ZNF654: variants seen among roughly 807,000 people sequenced by gnomAD.
The protein encoded by ZNF654 is zinc finger protein 654, also known as melanoma-associated antigen.
ZNF654 carries 19 observed loss-of-function variants against 95.3 expected under a neutral mutation model. The ratio of observed to expected loss-of-function variants is 0.20; its 90% CI spans 0.14 to 0.29. The LOEUF (loss-of-function observed/expected upper bound fraction) is 0.29, where lower values mean the gene tolerates loss of function less well. Ranked by LOEUF, ZNF654 falls within the 10% of genes least tolerant of loss-of-function variation. The probability of loss-of-function intolerance (pLI) is 1.00; values close to 1 mark genes in which losing one functional copy is unlikely to be tolerated. For missense variants in ZNF654, 1,046 were observed against 1,341.0 expected (o/e 0.78, Z 3.44); for synonymous variants, 413 against 457.9 (o/e 0.90, Z 1.25).
intron 1 of ZNF654, among the ~76,000 whole-genome samples, chr3:88,072,433 C>T (rs879934294): frequency 6.6e-6 from 1 of 152,098 alleles, no homozygotes; most frequent in Non-Finnish European, 1.5e-5. Flanking sequence ...ATAATCCTGC[C>T]CCATCTAGCT....
chr3:88,080,634 A>G (rs1204177219), intron 1 of ZNF654, among the ~76,000 whole-genome samples: 2 of 152,028 alleles, frequency 1.3e-5, no homozygotes, highest in Admixed American at 6.6e-5. Context: ...TCTGCTGCCA[A>G]TTTACCTGCT....
At chr3:88,098,071 G>T (rs187578196) in intron 2 of ZNF654, among the ~76,000 whole-genome samples, 16 of 152,126 alleles carry the variant, frequency 1.1e-4, no homozygotes, top group Non-Finnish European at 7.4e-5. Flanking sequence ...CAACAAAATT[G>T]ACAGACTGCT....
At chr3:88,114,627 T>C (rs1705281236) in intron 3 of ZNF654, among the ~76,000 whole-genome samples, 1 of 152,200 alleles carries the variant, frequency 6.6e-6, no homozygotes, top group Admixed American at 6.5e-5. Context: ...CTTTTGTTAC[T>C]GTGGCTTCTT....
At chr3:88,083,899 G>T (rs1452159291) in intron 1 of ZNF654, among the ~76,000 whole-genome samples, 12 of 150,278 alleles carry the variant, frequency 8.0e-5, no homozygotes, top group Middle Eastern at 3.5e-3. Flanking sequence ...CACAGCATAG[G>T]AGAAAAATTT....
chr3:88,059,421 C>T lies in ZNF654; in HGVS notation c.102C>T (p.Gly34=). 4 of 1,527,088 alleles carry T rather than the reference C, an allele frequency of 2.6e-6. No individual in the cohort carries two copies. Among genetic ancestry groups the T allele is most frequent in the Non-Finnish European group, 3.5e-6 (4 of 1,143,704 alleles). The allele number at this position is 1,527,088 out of a possible 1,614,324, so 94.6% of individuals were successfully genotyped here. ...PLGPVGLRAA[G]DGRGGAGSGN... ...GCCCTGTGGGGCTTAGAGCTGCGGG[C>T]GACGGCAGAGGCGGCGCTGGCAGCG... Residue 34 remains glycine (G), a synonymous_variant, in exon 1 of 9, where the codon GGC becomes GGT. Transcript: ENST00000636215.
At chr3:88,128,243 G>A (rs78560074) in intron 4 of ZNF654, among the ~76,000 whole-genome samples, 9 of 152,012 alleles carry the variant, frequency 5.9e-5, no homozygotes, top group African/African-American at 2.2e-4. Flanking sequence ...ATTATCCTTA[G>A]TAATACATAA....
chr3:88,062,893 G>A (rs1172285109), intron 1 of ZNF654, among the ~76,000 whole-genome samples: 3 of 152,132 alleles, frequency 2.0e-5, no homozygotes, highest in Non-Finnish European at 4.4e-5. Flanking sequence ...ATCCTCTGAG[G>A]ATTTATGAGG....
At chr3:88,099,989 T>C (rs1352444569) in intron 2 of ZNF654, among the ~76,000 whole-genome samples, 2 of 152,174 alleles carry the variant, frequency 1.3e-5, no homozygotes, top group Non-Finnish European at 2.9e-5. Context: ...CTAATTTAAC[T>C]AAAGAGCTTC....
chr3:88,111,666 T>A (rs1207365273), intron 2 of ZNF654, among the ~76,000 whole-genome samples: 1 of 152,016 alleles, frequency 6.6e-6, no homozygotes, highest in East Asian at 1.9e-4. Context: ...GTTGTTTCTG[T>A]CTTTGAGCTT....
chr3:88,122,943 G>A (rs192999127), intron 3 of ZNF654, among the ~76,000 whole-genome samples: 5 of 151,174 alleles, frequency 3.3e-5, no homozygotes, highest in Admixed American at 2.0e-4. Flanking sequence ...CTGGGAGGCC[G>A]AGGTTGCAGT....
Position 88,113,154 on chromosome 3 carries a change from G to A in ZNF654, c.372G>A (p.Glu124=), listed in dbSNP as rs1705195533. The A allele has an allele frequency of 6.5e-7, 1 of 1,534,104 alleles. No individual in the cohort carries two copies. The highest frequency in any genetic ancestry group is 8.7e-7 in the Non-Finnish European group (1 of 1,145,798). The change falls in exon 3 of 9, where the codon GAG becomes GAA. Residue 124 remains glutamate, a synonymous_variant. Coordinates refer to ENST00000636215, the MANE Select transcript of ZNF654 (RefSeq NM_001350134.2). ...TGCTGCTGTTCTTTGGAAGAGATGA[G>A]TTTTATGAAGAGCCCTTAAAGGATA... ...FELLLFFGRD[E]FYEEPLKDIL...
chr3:88,113,268 C>T (rs1705201267), intron 3 of ZNF654, 72 bp downstream of exon 3: 3 of 903,776 alleles, frequency 3.3e-6, no homozygotes, highest in Non-Finnish European at 4.9e-6. Context: ...CTAAATATAG[C>T]TTATTGGTTA....
chr3:88,138,655 C>G (rs926721920), intron 7 of ZNF654, 50 bp from the exon 8 acceptor site: 4 of 1,123,458 alleles, frequency 3.6e-6, no homozygotes, highest in Non-Finnish European at 3.4e-6. Flanking sequence ...ACTAGTATAA[C>G]CATTTTTTTG....
At chr3:88,067,390 C>T (rs1471684174) in intron 1 of ZNF654, among the ~76,000 whole-genome samples, 1 of 152,144 alleles carries the variant, frequency 6.6e-6, no homozygotes, top group Non-Finnish European at 1.5e-5. Context: ...GAAGCCAGAG[C>T]TCAAAAGGGA....
Position 88,128,997 on chromosome 3 carries a change from C to G in ZNF654, c.739C>G (p.Gln247Glu). Residue 247 changes from glutamine to glutamate, a missense_variant, in exon 5 of 9, where the codon CAG (glutamine) becomes GAG (glutamate). Coordinates refer to ENST00000636215, the MANE Select transcript of ZNF654 (RefSeq NM_001350134.2). ...TCLFMSPVED[Q>E]LFREHLLKTD... ...TCTGTTTATGTCACCTGTAGAAGAT[C>G]AGCTATTCCGGGAGGTATTGTTTGA... The G allele has an allele frequency of 6.5e-7, 1 of 1,532,236 alleles. No homozygotes were observed. Among genetic ancestry groups the G allele is most frequent in the Non-Finnish European group, 8.7e-7 (1 of 1,144,998 alleles). The allele number at this position is 1,532,236 out of a possible 1,614,324, so 94.9% of individuals were successfully genotyped here. A position where few individuals can be genotyped will look rare whatever the true frequency, so the allele number is the denominator to read the frequency against.
At chr3:88,072,556 G>T (rs1370779388) in intron 1 of ZNF654, among the ~76,000 whole-genome samples, 1 of 152,054 alleles carries the variant, frequency 6.6e-6, no homozygotes, top group East Asian at 1.9e-4. Context: ...TGTTTCATTT[G>T]GATATTATAT....
At chr3:88,127,820 T>C (rs1706210130) in intron 4 of ZNF654, among the ~76,000 whole-genome samples, 1 of 152,176 alleles carries the variant, frequency 6.6e-6, no homozygotes, top group Non-Finnish European at 1.5e-5. Flanking sequence ...TAGAGCCTCA[T>C]TGATATGGAT....
intron 1 of ZNF654, among the ~76,000 whole-genome samples, chr3:88,085,929 C>A (rs1708315426): frequency 6.6e-6 from 1 of 152,010 alleles, no homozygotes; most frequent in Non-Finnish European, 1.5e-5. Flanking sequence ...TTCTACTCTC[C>A]AGCTATTTTA....
At chr3:88,097,818 G>A (rs543270471) in intron 2 of ZNF654, among the ~76,000 whole-genome samples, 2 of 152,246 alleles carry the variant, frequency 1.3e-5, no homozygotes, top group East Asian at 1.9e-4. Context: ...GAATATCTGC[G>A]ACACATTTAA....
Sources: gnomAD v4.1 joint callset for allele counts (sites outside exome capture counted in the v4.1 genomes callset) on GRCh38, gnomAD v4.1.1 for gene constraint, MANE v1.5 for transcripts, NCBI Gene and HGNC (gene_info 2026-07-23, HGNC 2026-07-21) for gene names.